The following ZNF676 variants were observed in gnomAD, a reference collection of about 807,000 sequenced individuals.
The protein encoded by ZNF676 is zinc finger protein 676.
In ZNF676, 4 loss-of-function variants were observed where a neutral mutation model predicts 6.0. The observed-to-expected ratio is 0.67, with a 90% CI of 0.33 to 1.53. The LOEUF is 1.53. Among genes scored for constraint, ZNF676 ranks in the 40% most tolerant of loss-of-function variants. The pLI is 0.06. For synonymous variants in ZNF676, 198 were observed against 223.1 expected (o/e 0.89, Z 1.00); for missense variants, 644 against 679.7 (o/e 0.95, Z 0.58).
chr19:22,215,049 A>AC (rs2024169008), intron 1 of ZNF676, among the ~76,000 whole-genome samples: 1 of 111,342 alleles, frequency 9.0e-6, no homozygotes, highest in African/African-American at 4.3e-5. Context: ...TCAAAAAAAA[A>AC]AAAAAAAAAA....
chr19:22,194,696 C>T (rs1294411727), intron 1 of ZNF676, among the ~76,000 whole-genome samples: 6 of 151,954 alleles, frequency 3.9e-5, no homozygotes, highest in East Asian at 1.9e-4. Flanking sequence ...GAATCAGTGC[C>T]GCTCAAAATT....
At chr19:22,221,290 A>C in the ZNF676 span, among the ~76,000 whole-genome samples, 2 of 152,110 alleles carry the variant, frequency 1.3e-5, no homozygotes, top group African/African-American at 4.8e-5. Flanking sequence ...ATTCAATTTA[A>C]ATAATTATTT....
intron 2 of ZNF676, among the ~76,000 whole-genome samples, chr19:22,182,384 A>T (rs1157705528): frequency 6.6e-6 from 1 of 152,040 alleles, no homozygotes; most frequent in Non-Finnish European, 1.5e-5. Context: ...AATCTTATCA[A>T]AAATATTATA....
the ZNF676 span, among the ~76,000 whole-genome samples, chr19:22,240,927 C>T: frequency 8.8e-4 from 134 of 152,036 alleles, 3 homozygotes; most frequent in African/African-American, 3.0e-3. Flanking sequence ...TCATAATGTC[C>T]CCTGTAGGAA....
chr19:22,194,555 T>C (rs2023947077), intron 1 of ZNF676, among the ~76,000 whole-genome samples: 1 of 152,040 alleles, frequency 6.6e-6, no homozygotes, highest in Non-Finnish European at 1.5e-5. Context: ...CAAAAAGGAA[T>C]GCCACCAGAT....
At chr19:22,224,165 G>T in the ZNF676 span, among the ~76,000 whole-genome samples, 21 of 147,506 alleles carry the variant, frequency 1.4e-4, 1 homozygote, top group South Asian at 4.7e-3. Context: ...ACAAATTTTT[G>T]TAATGGTACA....
Position 22,196,879 on chromosome 19 carries a change from T to G in ZNF676, c.-246A>C. 1 of 717,932 alleles carries G rather than the reference T, an allele frequency of 1.4e-6. No homozygotes were observed. The highest frequency in any genetic ancestry group is 1.9e-5 in the South Asian group (1 of 51,886). 44.5% of individuals were successfully genotyped at this position (717,932 alleles called of 1,614,324 possible). A position where few individuals can be genotyped will look rare whatever the true frequency, so the allele number is the denominator to read the frequency against. On this transcript the variant is annotated 5_prime_UTR_variant, in exon 1 of 3. Coordinates refer to ENST00000397121, the MANE Select transcript of ZNF676 (RefSeq NM_001001411.3). The stretch of plus-strand genomic sequence containing the variant: ...AATAAAATAGTTTTCAACACAGAAA[T>G]GTTCACTAATGTATTCTCTAACTCT...
the ZNF676 span, chr19:22,245,471 AAGC>A: frequency 2.7e-5 from 4 of 150,306 alleles, no homozygotes; most frequent in Non-Finnish European, 3.0e-5. Context: ...GAGTCAAATG[AAGC>A]AGTTGATGGG....
At chr19:22,236,453 C>T in the ZNF676 span, among the ~76,000 whole-genome samples, 4 of 152,142 alleles carry the variant, frequency 2.6e-5, no homozygotes, top group South Asian at 6.2e-4. Flanking sequence ...CACCTCAGAG[C>T]CAGTGTTTAA....
intron 1 of ZNF676, chr19:22,203,371 A>C (rs1161741474): frequency 1.3e-5 from 2 of 153,616 alleles, no homozygotes; most frequent in Non-Finnish European, 2.9e-5. Flanking sequence ...TGAAACAGAT[A>C]CACAATGCAT....
chr19:22,207,729 G>A lies in ZNF676; in HGVS notation c.3+7903C>T, dbSNP rs896796392. On this transcript the variant is annotated intron_variant, in intron 1 of 3. Transcript: ENST00000650058. ...GTGCTACAGTAAACAAAGCAACATG[G>A]TACTGGTACAAAAACAAACTCATAG... Among the ~76,000 whole-genome samples, 8 of 152,222 alleles carry A rather than the reference G, an allele frequency of 5.3e-5. No individual in the cohort carries two copies. In the East Asian group the frequency reaches 1.3e-3, roughly 26 times the overall value.
At chr19:22,242,720 G>A in the ZNF676 span, among the ~76,000 whole-genome samples, 10 of 152,012 alleles carry the variant, frequency 6.6e-5, no homozygotes, top group South Asian at 2.1e-3. Flanking sequence ...GATCAGAAAG[G>A]AGTGTAACCT....
chr19:22,200,387 T>C (rs2024012726), upstream of ZNF676, among the ~76,000 whole-genome samples: 1 of 152,042 alleles, frequency 6.6e-6, no homozygotes, highest in Admixed American at 6.6e-5. Context: ...GTGGCTCAAA[T>C]AAAGCCCAAG....
At chr19:22,205,151 C>T (rs2024064509) in intron 1 of ZNF676, among the ~76,000 whole-genome samples, 1 of 152,044 alleles carries the variant, frequency 6.6e-6, no homozygotes, top group African/African-American at 2.4e-5. Flanking sequence ...CATGGGTTCA[C>T]ATGAATAAAG....
chr19:22,215,567 C>A (rs1281949136), intron 1 of ZNF676: 1 of 1,583,558 alleles, frequency 6.3e-7, no homozygotes, highest in South Asian at 1.1e-5. Context: ...CCCGCCACAG[C>A]CACTTCCCGC....
chr19:22,213,160 T>C (rs1329380659), intron 1 of ZNF676, among the ~76,000 whole-genome samples: 2 of 152,164 alleles, frequency 1.3e-5, no homozygotes, highest in African/African-American at 4.8e-5. Context: ...AATCATTCTC[T>C]CAGGAGACTC....
chr19:22,197,809 A>G (rs1274468450), upstream of ZNF676, among the ~76,000 whole-genome samples: 1 of 152,202 alleles, frequency 6.6e-6, no homozygotes, highest in African/African-American at 2.4e-5. Context: ...GTGATTTATT[A>G]ACATCAATTA....
intron 2 of ZNF676, 89 bp from the exon 3 acceptor site, chr19:22,181,675 T>C: frequency 1.9e-6 from 2 of 1,057,734 alleles, no homozygotes; most frequent in Non-Finnish European, 2.6e-6. Flanking sequence ...TTATTCAAAC[T>C]ACATAAGCAA....
chr19:22,233,001 T>A, the ZNF676 span, among the ~76,000 whole-genome samples: 1 of 152,072 alleles, frequency 6.6e-6, no homozygotes, highest in Admixed American at 6.6e-5. Context: ...AAAGAAATAA[T>A]GTTAAAGGCA....
Sources: allele counts gnomAD v4.1 joint callset (sites outside exome capture counted in the v4.1 genomes callset), GRCh38; gene constraint gnomAD v4.1.1; transcripts MANE v1.5; gene names NCBI Gene and HGNC (gene_info 2026-07-23, HGNC 2026-07-21).